The following PLD5 variants were observed in gnomAD, a reference collection of about 807,000 sequenced individuals.
The protein encoded by PLD5 is phospholipase D family member 5, also known as inactive phospholipase D5.
PLD5 carries 36 observed loss-of-function variants against 61.1 expected under a neutral mutation model. That is an observed-to-expected ratio of 0.59 (90% CI 0.45 to 0.78). PLD5 has a LOEUF of 0.78. Ranked by LOEUF, PLD5 falls within the 30% of genes least tolerant of loss-of-function variation. The pLI is 0.00. For missense variants in PLD5, 515 were observed against 644.4 expected (o/e 0.80, Z 2.17); for synonymous variants, 243 against 242.8 (o/e 1.00, Z -0.01).
At chr1:242,359,841 T>C (rs181464080) in intron 1 of PLD5, among the ~76,000 whole-genome samples, 167 of 152,336 alleles carry the variant, frequency 1.1e-3, no homozygotes, top group African/African-American at 3.9e-3. Context: ...TCTTTGCTAT[T>C]GTTAGTATAT....
rs1659501619 is a variant in PLD5, at chr1:242,086,874, T to A, written c.*2980A>T. ...ATCCAGGAATGTTAATGGGGAGTAG[T>A]CACCCTGCTCCTCATAATTTCTGGC... On this transcript the variant is annotated 3_prime_UTR_variant, in exon 10 of 10. Transcript: ENST00000536534. 6.6e-6 allele frequency: 1 copy of A among 152,172 alleles called. No homozygotes were observed. Among genetic ancestry groups the A allele is most frequent in the South Asian group, 2.1e-4 (1 of 4,828 alleles). The allele number at this position is 152,172 out of a possible 1,614,324, so 9.4% of individuals were successfully genotyped here.
chr1:242,413,996 C>T (rs1424610832), intron 1 of PLD5, among the ~76,000 whole-genome samples: 1 of 152,094 alleles, frequency 6.6e-6, no homozygotes, highest in East Asian at 1.9e-4. Flanking sequence ...TAAAAACTCC[C>T]TTTGGTAGCT....
chr1:242,256,356 G>A lies in PLD5; in HGVS notation c.607+8981C>T, dbSNP rs1358222603. Among the ~76,000 whole-genome samples, 5 of 152,182 alleles carry A rather than the reference G, an allele frequency of 3.3e-5. No individual in the cohort carries two copies. Among genetic ancestry groups the A allele is most frequent in the Admixed American group, 6.5e-5 (1 of 15,282 alleles). On this transcript the variant is annotated intron_variant, in intron 4 of 9. Transcript: ENST00000536534. The surrounding 1 kb of genome is among the most constrained non-coding windows in gnomAD (Gnocchi z 5.7). ...AATCTCATGGGGAGAAAAATCTGAA[G>A]ATCTATTTCTCTATCTGATTTGAAT...
chr1:242,107,772 G>C lies in PLD5; in HGVS notation c.1138C>G (p.Leu380Val). ...ALVLRSVRVR[L>V]LLSFWKETDP... ...GTTTCCTTCCAGAAGCTTAAAAGGAGTCGAACTCTAACGCTTCGTAAAACT... is the reference window on the plus strand; with the variant it reads ...GTTTCCTTCCAGAAGCTTAAAAGGACTCGAACTCTAACGCTTCGTAAAACT... The change falls in exon 8 of 10, where the codon CTC (leucine) becomes GTC (valine). Residue 380 changes from leucine (L) to valine (V), a missense_variant. Around this residue, in one of 2 missense-constraint regions of PLD5, gnomAD observed 450 missense variants for 598.1 expected, o/e 0.75. Transcript: ENST00000536534. 1 of 1,613,016 alleles carries C rather than the reference G, an allele frequency of 6.2e-7. No individual in the cohort carries two copies. The highest frequency in any genetic ancestry group is 8.5e-7 in the Non-Finnish European group (1 of 1,179,710).
intron 1 of PLD5, among the ~76,000 whole-genome samples, chr1:242,399,103 G>A (rs1158893298): frequency 7.9e-5 from 12 of 152,120 alleles, no homozygotes; most frequent in Non-Finnish European, 1.2e-4. Flanking sequence ...CTTTTCTCAC[G>A]TAGCTAACCC....
At chr1:242,198,451 G>GT (rs11407961) in intron 5 of PLD5, among the ~76,000 whole-genome samples, 58,708 of 150,882 alleles carry the variant, frequency 0.39, 13,305 homozygotes, top group African/African-American at 0.64. Context: ...AACTGAAATT[G>GT]TTTTTTTTTA....
intron 8 of PLD5, 102 bp downstream of exon 8, chr1:242,107,569 G>T: frequency 8.7e-7 from 1 of 1,144,152 alleles, no homozygotes; most frequent in Non-Finnish European, 1.2e-6. Context: ...TGCCGTCCTG[G>T]TTCTTACTGG....
intron 1 of PLD5, among the ~76,000 whole-genome samples, chr1:242,494,574 G>C (rs1668300310): frequency 6.6e-6 from 1 of 152,086 alleles, no homozygotes; most frequent in African/African-American, 2.4e-5. Flanking sequence ...CTCTGCACCA[G>C]GCTTTACAGA....
At chr1:242,325,539 C>T (rs2149193770) in intron 2 of PLD5, among the ~76,000 whole-genome samples, 1 of 152,046 alleles carries the variant, frequency 6.6e-6, no homozygotes, top group South Asian at 2.1e-4. Flanking sequence ...TGCTCTGTCG[C>T]CAGGCTGGAG....
chr1:242,261,663 AAC>A (rs1673379586), intron 4 of PLD5, among the ~76,000 whole-genome samples: 1 of 152,192 alleles, frequency 6.6e-6, no homozygotes, highest in African/African-American at 2.4e-5. Context: ...AAACAACAAT[AAC>A]ACTGGGCAAA....
intron 5 of PLD5, among the ~76,000 whole-genome samples, chr1:242,154,604 T>C (rs910816475): frequency 2.0e-5 from 3 of 152,192 alleles, no homozygotes; most frequent in Non-Finnish European, 4.4e-5. Context: ...GAGATAATCA[T>C]GTGGTTTCTG....
At chr1:242,229,208 G>C (rs1671142457) in intron 4 of PLD5, among the ~76,000 whole-genome samples, 1 of 152,144 alleles carries the variant, frequency 6.6e-6, no homozygotes, top group African/African-American at 2.4e-5. Flanking sequence ...CTAGTACACT[G>C]TGGTTAAAAA....
intron 4 of PLD5, among the ~76,000 whole-genome samples, chr1:242,248,897 C>G (rs1672541622): frequency 6.6e-6 from 1 of 152,134 alleles, no homozygotes; most frequent in African/African-American, 2.4e-5. Flanking sequence ...ACTGTAATCC[C>G]AGTACTTTAG....
intron 1 of PLD5, among the ~76,000 whole-genome samples, chr1:242,386,388 A>T (rs1558517173): frequency 6.6e-6 from 1 of 152,162 alleles, no homozygotes; most frequent in Non-Finnish European, 1.5e-5. Context: ...GATCCGTGTG[A>T]GCATCAGTAA....
intron 5 of PLD5, among the ~76,000 whole-genome samples, chr1:242,151,858 T>A (rs1664953389): frequency 6.6e-6 from 1 of 152,120 alleles, no homozygotes; most frequent in Non-Finnish European, 1.5e-5. Flanking sequence ...ATGTTTTATT[T>A]TGAGATAATT....
At chr1:242,130,298 C>T (rs1007141538) in intron 5 of PLD5, among the ~76,000 whole-genome samples, 4 of 152,144 alleles carry the variant, frequency 2.6e-5, no homozygotes, top group Admixed American at 6.6e-5. Context: ...GTGATCCACC[C>T]GCCTTGGCCT....
At chr1:242,494,060 CCTTCCCTCCA>C (rs1357039808) in intron 1 of PLD5, among the ~76,000 whole-genome samples, 38 of 94,584 alleles carry the variant, frequency 4.0e-4, no homozygotes, top group African/African-American at 1.2e-3. Context: ...TTCATGTTTC[CCTTCCCTCCA>C]CTCCCCTCCC....
At chr1:242,095,183 C>T (rs911251018) in intron 9 of PLD5, among the ~76,000 whole-genome samples, 2 of 151,984 alleles carry the variant, frequency 1.3e-5, no homozygotes, top group South Asian at 2.1e-4. Flanking sequence ...GATCCACCCA[C>T]CTCAGCTTCC....
intron 4 of PLD5, among the ~76,000 whole-genome samples, chr1:242,247,812 T>A (rs316901): frequency 2.6e-5 from 4 of 152,022 alleles, no homozygotes; most frequent in Middle Eastern, 3.2e-3. Flanking sequence ...GATGATCCAC[T>A]GTTTAATTCT....
Sources: allele counts gnomAD v4.1 joint callset (sites outside exome capture counted in the v4.1 genomes callset), GRCh38; gene constraint gnomAD v4.1.1; regional missense constraint gnomAD v4.1.1; non-coding constraint Gnocchi (gnomAD v3.1); transcripts MANE v1.5; gene names NCBI Gene and HGNC (gene_info 2026-07-23, HGNC 2026-07-21).